The following ANKRD36C variants were observed in gnomAD, a reference collection of about 807,000 sequenced individuals.
ANKRD36C encodes the protein ankyrin repeat domain 36C.
Under a neutral mutation model 276.4 loss-of-function variants are expected in ANKRD36C, and 61 were observed. The ratio of observed to expected loss-of-function variants is 0.22; its 90% CI spans 0.18 to 0.27. The LOEUF (loss-of-function observed/expected upper bound fraction) is 0.27, where lower values mean the gene tolerates loss of function less well. ANKRD36C is among the 10% of genes least tolerant of loss of function. The pLI is 1.00. For missense variants in ANKRD36C, 1,447 were observed against 2,032.3 expected, an observed-to-expected ratio of 0.71 and a Z score of 5.54; for synonymous variants, 483 against 680.1, an observed-to-expected ratio of 0.71 and a Z score of 4.51.
At chr2:95,892,547 T>A (rs1388020202) in intron 44 of ANKRD36C, among the ~76,000 whole-genome samples, 6 of 151,550 alleles carry the variant, frequency 4.0e-5, no homozygotes, top group Non-Finnish European at 8.9e-5. Flanking sequence ...TTAGCCTCAA[T>A]AAAAATATCA....
intron 42 of ANKRD36C, among the ~76,000 whole-genome samples, chr2:95,902,527 C>T (rs1411090934): frequency 6.6e-6 from 1 of 150,454 alleles, no homozygotes; most frequent in African/African-American, 2.4e-5. Flanking sequence ...CTTTTCTTGG[C>T]AGTACGATCT....
intron 42 of ANKRD36C, 60 bp from the exon 53 acceptor site, chr2:95,903,141 A>T: frequency 6.5e-7 from 1 of 1,536,118 alleles, no homozygotes; most frequent in Non-Finnish European, 8.8e-7. Context: ...TTATCCACAT[A>T]TTCATGCAGT....
At chr2:95,912,809 T>C (rs1208628568) in intron 40 of ANKRD36C, among the ~76,000 whole-genome samples, 3 of 151,444 alleles carry the variant, frequency 2.0e-5, no homozygotes, top group African/African-American at 7.3e-5. Flanking sequence ...CATATGTCTT[T>C]CATGCAACAA....
At chr2:95,860,118 G>T (rs1675535765) in intron 60 of ANKRD36C, 44 bp from the exon 81 acceptor site, 5 of 1,238,832 alleles carry the variant, frequency 4.0e-6, no homozygotes, top group African/African-American at 1.5e-5. Context: ...TACATGAGTA[G>T]ATTTTTGGAT....
intron 6 of ANKRD36C, among the ~76,000 whole-genome samples, chr2:95,975,746 G>C (rs1044900780): frequency 4.6e-5 from 7 of 152,158 alleles, no homozygotes. Context: ...AACACCAAAA[G>C]CAACGGCAAC....
At chr2:95,976,712 C>T (rs1678816750) in intron 6 of ANKRD36C, among the ~76,000 whole-genome samples, 1 of 152,100 alleles carries the variant, frequency 6.6e-6, no homozygotes, top group South Asian at 2.1e-4. Context: ...AACAGACATA[C>T]CAATCATATC....
chr2:95,971,391 T>C (rs1424243756), intron 6 of ANKRD36C, among the ~76,000 whole-genome samples: 1 of 148,304 alleles, frequency 6.7e-6, no homozygotes, highest in Non-Finnish European at 1.5e-5. Context: ...TGGGAGATAT[T>C]GATAATGGGG....
At chr2:95,853,210 C>T (rs1433013659) in intron 64 of ANKRD36C, 2 of 153,368 alleles carry the variant, frequency 1.3e-5, no homozygotes, top group East Asian at 3.8e-4. Context: ...CCTTTCTGAA[C>T]AAATTAACCT....
chr2:95,882,554 T>C lies in ANKRD36C; in HGVS notation c.3266-57A>G, dbSNP rs878905379. ...TATGTAAATATGATAAAGTTATCCA[T>C]ACATTCATGCAGTGTTAGCATCAAG... is the stretch of plus-strand genomic sequence containing the variant. On this transcript the variant is annotated intron_variant, in intron 54 of 66. Coordinates refer to ENST00000456556, the Ensembl canonical transcript of ANKRD36C. The C allele has an allele frequency of 1.6e-5, 25 of 1,546,948 alleles. No individual in the cohort carries two copies. The Admixed American group carries it at 3.7e-4, about 23-fold the overall frequency.
exon 34 of ANKRD36C, chr2:95,921,636 T>C: frequency 1.2e-6 from 2 of 1,609,424 alleles, no homozygotes; most frequent in Non-Finnish European, 1.7e-6. Flanking sequence ...ATCCTTTATT[T>C]CTGTGGCTAT....
At chr2:95,882,947 T>TG (rs1319928335) in intron 54 of ANKRD36C, among the ~76,000 whole-genome samples, 1 of 152,132 alleles carries the variant, frequency 6.6e-6, no homozygotes, top group African/African-American at 2.4e-5. Context: ...GCCTGGTAAT[T>TG]GAGGAGGTAC....
intron 60 of ANKRD36C, 58 bp from the exon 81 acceptor site, chr2:95,860,132 A>T: frequency 8.6e-7 from 1 of 1,156,570 alleles, no homozygotes; most frequent in Non-Finnish European, 1.2e-6. Flanking sequence ...TTTGGATATA[A>T]AGGACTGTGC....
intron 3 of ANKRD36C, among the ~76,000 whole-genome samples, chr2:95,982,754 G>A (rs982224707): frequency 1.2e-4 from 12 of 103,972 alleles, no homozygotes; most frequent in African/African-American, 1.9e-4. Context: ...AATGTTTCAG[G>A]TATTTTTATT....
intron 63 of ANKRD36C, 49 bp from the exon 84 acceptor site, chr2:95,853,910 T>G (rs762605230): frequency 6.4e-7 from 1 of 1,560,576 alleles, no homozygotes; most frequent in Admixed American, 1.9e-5. Context: ...ACCTTATTAT[T>G]AAACCATTAA....
chr2:95,908,680 G>A lies in ANKRD36C; in HGVS notation c.2653+3564C>T, dbSNP rs749132758. On this transcript the variant is annotated intron_variant, in intron 42 of 66. Coordinates refer to ENST00000456556, the Ensembl canonical transcript of ANKRD36C. ...GACAGTTTCATTACCTTCAAGCCTGGTGGTTGCTCAGAAGACACTGAAAAG... is the reference window on the plus strand; with the variant it reads ...GACAGTTTCATTACCTTCAAGCCTGATGGTTGCTCAGAAGACACTGAAAAG... 2.7e-5 allele frequency: 42 copies of A among 1,561,164 alleles called. 1 individual carries two copies. Among genetic ancestry groups the A allele is most frequent in the Non-Finnish European group, 3.3e-5 (38 of 1,151,666 alleles).
At chr2:95,989,236 C>T (rs1377479539) in intron 1 of ANKRD36C, among the ~76,000 whole-genome samples, 1 of 151,994 alleles carries the variant, frequency 6.6e-6, no homozygotes, top group Non-Finnish European at 1.5e-5. Flanking sequence ...TTTTTCTTTG[C>T]AAGATTTATA....
intron 60 of ANKRD36C, among the ~76,000 whole-genome samples, chr2:95,861,869 C>T (rs1258398502): frequency 6.6e-6 from 1 of 151,604 alleles, no homozygotes; most frequent in African/African-American, 2.4e-5. Context: ...TGTAAAGACA[C>T]AAATTGGTTG....
At chr2:95,980,365 GT>G (rs1573817697) in intron 5 of ANKRD36C, among the ~76,000 whole-genome samples, 1 of 152,156 alleles carries the variant, frequency 6.6e-6, no homozygotes, top group East Asian at 1.9e-4. Flanking sequence ...ATGCATAGGG[GT>G]TATACTGGAA....
chr2:95,981,612 T>C (rs891641855), intron 4 of ANKRD36C, among the ~76,000 whole-genome samples: 1 of 149,856 alleles, frequency 6.7e-6, no homozygotes, highest in African/African-American at 2.4e-5. Flanking sequence ...TCTAACATTA[T>C]ATATATATAT....
Sources: gnomAD v4.1 joint callset for allele counts (sites outside exome capture counted in the v4.1 genomes callset) on GRCh38, gnomAD v4.1.1 for gene constraint, MANE v1.5 for transcripts, NCBI Gene and HGNC (gene_info 2026-07-23, HGNC 2026-07-21) for gene names.